The following SORCS2 variants were observed in gnomAD, a reference collection of about 807,000 sequenced individuals.
SORCS2 encodes sortilin related VPS10 domain containing receptor 2, also known as VPS10 domain-containing receptor SorCS2.
A neutral mutation model predicts 141.6 loss-of-function variants in SORCS2; 100 were observed. The ratio of observed to expected loss-of-function variants is 0.71; its 90% CI spans 0.60 to 0.83. SORCS2 has a LOEUF of 0.83. SORCS2 is among the 40% of genes least tolerant of loss of function. The probability of loss-of-function intolerance (pLI) is 0.00; values close to 1 mark genes in which losing one functional copy is unlikely to be tolerated. For synonymous variants in SORCS2, 789 were observed against 676.9 expected (o/e 1.17, Z -2.57); for missense variants, 1,646 against 1,560.2 (o/e 1.05, Z -0.93).
At chr4:7,510,727 G>GGCTGGC in intron 2 of SORCS2, among the ~76,000 whole-genome samples, 1 of 152,282 alleles carries the variant, frequency 6.6e-6, no homozygotes, top group African/African-American at 2.4e-5. Flanking sequence ...GCGACCCCGG[G>GGCTGGC]GCCTGGGCAC....
At position 7,548,348 on chromosome 4, in the gene SORCS2, G is replaced by A. The variant is rs75174475; in HGVS notation, c.648+16719G>A. On this transcript the variant is annotated intron_variant, in intron 3 of 26. Coordinates refer to ENST00000507866, the MANE Select transcript of SORCS2 (RefSeq NM_020777.3). ...CCCATTCCTTGGATGCTCTGGCCAA[G>A]CCTGAGGTCTGCCATCCACTTTGGT... Among the ~76,000 whole-genome samples, 1,250 of 152,290 alleles carry A rather than the reference G, an allele frequency of 8.2e-3. 19 individuals carry two copies. The highest frequency in any genetic ancestry group is 0.029 in the African/African-American group (1,195 of 41,566).
chr4:7,359,038 G>A (rs886114470), intron 1 of SORCS2, among the ~76,000 whole-genome samples: 2 of 152,220 alleles, frequency 1.3e-5, no homozygotes, highest in South Asian at 2.1e-4. Flanking sequence ...TGCAGTGGCT[G>A]TAATCCTAGT....
At chr4:7,210,601 A>G (rs987067895) in intron 1 of SORCS2, among the ~76,000 whole-genome samples, 7 of 152,164 alleles carry the variant, frequency 4.6e-5, no homozygotes, top group Admixed American at 2.0e-4. Context: ...ACCTTGATGC[A>G]GTGCCCAAGA....
At chr4:7,641,287 A>C (rs149061012) in intron 4 of SORCS2, among the ~76,000 whole-genome samples, 87 of 152,346 alleles carry the variant, frequency 5.7e-4, no homozygotes, top group African/African-American at 2.0e-3. Flanking sequence ...GGAAACTTAC[A>C]GTCATGGTGG....
intron 1 of SORCS2, among the ~76,000 whole-genome samples, chr4:7,389,841 A>G (rs569869768): frequency 6.6e-6 from 1 of 152,138 alleles, no homozygotes; most frequent in African/African-American, 2.4e-5. Context: ...CGGTAGTGAG[A>G]GTGGAGGGAA....
At chr4:7,305,443 T>C (rs1577378270) in intron 1 of SORCS2, among the ~76,000 whole-genome samples, 1 of 151,260 alleles carries the variant, frequency 6.6e-6, no homozygotes, top group East Asian at 2.0e-4. Flanking sequence ...GTGCTAAAAG[T>C]GGAGACATGG....
At chr4:7,720,042 C>G (rs559194832) in intron 18 of SORCS2, among the ~76,000 whole-genome samples, 9 of 152,286 alleles carry the variant, frequency 5.9e-5, no homozygotes, top group African/African-American at 1.9e-4. Context: ...CACACGCTCA[C>G]ACATACACAC....
chr4:7,319,910 C>G (rs867398852), intron 1 of SORCS2, among the ~76,000 whole-genome samples: 1 of 152,252 alleles, frequency 6.6e-6, no homozygotes, highest in African/African-American at 2.4e-5. Flanking sequence ...TGATTCCCCC[C>G]ACCCTGCCTC....
At chr4:7,693,315 C>T (rs1477485439) in intron 11 of SORCS2, among the ~76,000 whole-genome samples, 3 of 152,208 alleles carry the variant, frequency 2.0e-5, no homozygotes, top group Non-Finnish European at 2.9e-5. Context: ...GGGATCCCAG[C>T]GAGCCAGTGT....
chr4:7,283,198 G>C (rs567498131), intron 1 of SORCS2, among the ~76,000 whole-genome samples: 1 of 152,336 alleles, frequency 6.6e-6, no homozygotes, highest in South Asian at 2.1e-4. Context: ...CGTGTCCAGT[G>C]GGGGAGACAG....
chr4:7,540,677 G>A (rs761290033), intron 3 of SORCS2, among the ~76,000 whole-genome samples: 2 of 152,220 alleles, frequency 1.3e-5, no homozygotes, highest in African/African-American at 2.4e-5. Context: ...CCACACATCT[G>A]ATGAAGAGAG....
chr4:7,434,421 G>T (rs1168305750), intron 2 of SORCS2: 1 of 1,608,782 alleles, frequency 6.2e-7, no homozygotes, highest in Non-Finnish European at 8.5e-7. Context: ...CCTCTTTGGA[G>T]AGTGGCCTCA....
At chr4:7,593,629 G>A (rs1015396508) in intron 3 of SORCS2, among the ~76,000 whole-genome samples, 1 of 151,942 alleles carries the variant, frequency 6.6e-6, no homozygotes, top group African/African-American at 2.4e-5. Context: ...GCTGCTCAGA[G>A]CCCAGCCGAA....
intron 3 of SORCS2, among the ~76,000 whole-genome samples, chr4:7,588,016 G>A (rs898512778): frequency 6.6e-6 from 1 of 152,184 alleles, no homozygotes; most frequent in Non-Finnish European, 1.5e-5. Context: ...ACACCCAGGG[G>A]CAGAGTTTTT....
At chr4:7,538,031 T>C (rs897787296) in intron 3 of SORCS2, among the ~76,000 whole-genome samples, 1 of 152,104 alleles carries the variant, frequency 6.6e-6, no homozygotes, top group Non-Finnish European at 1.5e-5. Flanking sequence ...CAATAGAGGA[T>C]TGACCCGGGT....
At chr4:7,440,048 CACAG>C (rs1376130285) in intron 2 of SORCS2, among the ~76,000 whole-genome samples, 1 of 152,178 alleles carries the variant, frequency 6.6e-6, no homozygotes, top group Non-Finnish European at 1.5e-5. Flanking sequence ...AGAATGGTAT[CACAG>C]ACATTCATCC....
intron 1 of SORCS2, among the ~76,000 whole-genome samples, chr4:7,261,460 A>T (rs888165703): frequency 6.6e-6 from 1 of 152,192 alleles, no homozygotes; most frequent in African/African-American, 2.4e-5. Flanking sequence ...CTGAATGCAA[A>T]TCATGCCATG....
intron 1 of SORCS2, among the ~76,000 whole-genome samples, chr4:7,327,994 C>G (rs1165288979): frequency 6.8e-6 from 1 of 147,468 alleles, no homozygotes; most frequent in Non-Finnish European, 1.5e-5. Flanking sequence ...TGAGGACCTA[C>G]TGTGTGCTGA....
At chr4:7,692,027 A>C (rs1295432363) in intron 11 of SORCS2, among the ~76,000 whole-genome samples, 1 of 151,400 alleles carries the variant, frequency 6.6e-6, no homozygotes, top group Non-Finnish European at 1.5e-5. Context: ...AGGAGACTAC[A>C]CTTCTATTTT....
Sources: gnomAD v4.1 joint callset for allele counts (sites outside exome capture counted in the v4.1 genomes callset) on GRCh38, gnomAD v4.1.1 for gene constraint, MANE v1.5 for transcripts, NCBI Gene and HGNC (gene_info 2026-07-23, HGNC 2026-07-21) for gene names.